Variants in TIMP3 observed in about 807,000 individuals in gnomAD.
TIMP3 encodes TIMP metallopeptidase inhibitor 3, also known as metalloproteinase inhibitor 3.
A neutral mutation model predicts 30.0 loss-of-function variants in TIMP3; 11 were observed. The ratio of observed to expected loss-of-function variants is 0.37; its 90% CI spans 0.23 to 0.61. The LOEUF (loss-of-function observed/expected upper bound fraction) is 0.61, where lower values mean the gene tolerates loss of function less well. Among genes scored for constraint, TIMP3 ranks in the 20% least tolerant of loss-of-function variants. The probability of loss-of-function intolerance (pLI) is 0.70; values close to 1 mark genes in which losing one functional copy is unlikely to be tolerated. For synonymous variants in TIMP3, 112 were observed against 111.3 expected, an observed-to-expected ratio of 1.01 and a Z score of -0.04; for missense variants, 181 against 276.8, an observed-to-expected ratio of 0.65 and a Z score of 2.45.
intron 1 of TIMP3, among the ~76,000 whole-genome samples, chr22:32,802,545 C>T (rs981371577): frequency 1.3e-5 from 2 of 151,800 alleles, no homozygotes; most frequent in Non-Finnish European, 2.9e-5. Context: ...GCCATGTGCA[C>T]GGAAAGTTGC....
intron 1 of TIMP3, among the ~76,000 whole-genome samples, chr22:32,840,006 G>T (rs190542462): frequency 3.3e-5 from 5 of 152,136 alleles, no homozygotes; most frequent in African/African-American, 1.2e-4. Flanking sequence ...CCCCTTCCCC[G>T]GGAGGTCCAG....
chr22:32,832,002 A>G (rs1053023789), intron 1 of TIMP3, among the ~76,000 whole-genome samples: 1 of 152,216 alleles, frequency 6.6e-6, no homozygotes, highest in Non-Finnish European at 1.5e-5. Context: ...CAGATCAGCA[A>G]TGTCCCACTA....
chr22:32,809,950 G>A (rs1231922036), intron 1 of TIMP3, among the ~76,000 whole-genome samples: 7 of 152,150 alleles, frequency 4.6e-5, no homozygotes, highest in African/African-American at 1.7e-4. Context: ...ACTTCTCCCT[G>A]TTACCCACAG....
At chr22:32,842,009 T>C (rs932618865) in intron 1 of TIMP3, among the ~76,000 whole-genome samples, 2 of 151,824 alleles carry the variant, frequency 1.3e-5, no homozygotes, top group Non-Finnish European at 2.9e-5. Context: ...ACCAAGAAGG[T>C]CATGGGTGAC....
At position 32,859,168 on chromosome 22, in the gene TIMP3, A is replaced by G. The variant is rs569856603; in HGVS notation, c.439-12A>G. On this transcript the variant is annotated splice_polypyrimidine_tract_variant and intron_variant, in intron 4 of 4. Transcript: ENST00000266085. ...CAGAGTCCATCAACTGCTGCCTGTT[A>G]TCTAATTGCAGATCAAGTCCTGCTA... 25 of 1,614,120 alleles carry G rather than the reference A, an allele frequency of 1.5e-5. No homozygotes were observed. In the Admixed American group the frequency reaches 2.0e-4, roughly 13 times the overall value.
intron 2 of TIMP3, among the ~76,000 whole-genome samples, chr22:32,850,314 C>G (rs1025923404): frequency 8.5e-5 from 13 of 152,092 alleles, no homozygotes; most frequent in Non-Finnish European, 1.6e-4. Flanking sequence ...GTTTTGCCAC[C>G]TGTTAACAGT....
chr22:32,810,524 C>T (rs1325355017), intron 1 of TIMP3, among the ~76,000 whole-genome samples: 6 of 130,274 alleles, frequency 4.6e-5, no homozygotes, highest in African/African-American at 9.3e-5. Context: ...GATGATTGGG[C>T]GGGGGGTGGG....
At chr22:32,854,600 C>T (rs2048312892) in intron 2 of TIMP3, among the ~76,000 whole-genome samples, 1 of 152,156 alleles carries the variant, frequency 6.6e-6, no homozygotes, top group Non-Finnish European at 1.5e-5. Flanking sequence ...TCTTCGAAGG[C>T]CACACTCCAT....
intron 1 of TIMP3, among the ~76,000 whole-genome samples, chr22:32,835,165 A>G (rs1388945122): frequency 1.3e-5 from 2 of 152,240 alleles, no homozygotes; most frequent in African/African-American, 4.8e-5. Flanking sequence ...ACTGGGTGAC[A>G]GAGTGCACAG....
At position 32,840,005 on chromosome 22, in the gene TIMP3, C is replaced by T. The variant is rs568220913; in HGVS notation, c.122-9447C>T. Among the ~76,000 whole-genome samples, 5 of 152,158 alleles carry T rather than the reference C, an allele frequency of 3.3e-5. No individual in the cohort carries two copies. The South Asian group carries it at 6.2e-4, about 19-fold the overall frequency. ...CACAAAGGCCCCTCCTCCCCTTCCC[C>T]GGGAGGTCCAGGACAGGGCATCCCC... On this transcript the variant is annotated intron_variant, in intron 1 of 4. Transcript: ENST00000266085.
chr22:32,854,745 G>T (rs188319183), intron 2 of TIMP3, among the ~76,000 whole-genome samples: 1 of 152,306 alleles, frequency 6.6e-6, no homozygotes, highest in Non-Finnish European at 1.5e-5. Context: ...AGTGTGGACG[G>T]CACTTCTTCC....
At chr22:32,838,487 TCCTTGAGGGTGCTGAG>T (rs1198933446) in intron 1 of TIMP3, among the ~76,000 whole-genome samples, 1 of 152,142 alleles carries the variant, frequency 6.6e-6, no homozygotes, top group Non-Finnish European at 1.5e-5. Context: ...ACCACTGACT[TCCTTGAGGGTGCTGAG>T]CCTTGGGATC....
intron 1 of TIMP3, among the ~76,000 whole-genome samples, chr22:32,824,742 G>A (rs1208021132): frequency 2.0e-5 from 3 of 152,154 alleles, no homozygotes; most frequent in Non-Finnish European, 4.4e-5. Flanking sequence ...TGCTTTCGAT[G>A]TTGTTCTTTC....
chr22:32,804,747 A>G (rs2145946450), intron 1 of TIMP3, among the ~76,000 whole-genome samples: 1 of 152,244 alleles, frequency 6.6e-6, no homozygotes, highest in East Asian at 1.9e-4. Flanking sequence ...CCTGCACCCT[A>G]TGGAAGTGTT....
intron 1 of TIMP3, among the ~76,000 whole-genome samples, chr22:32,817,847 T>C (rs1422557623): frequency 6.6e-6 from 1 of 152,180 alleles, no homozygotes; most frequent in Non-Finnish European, 1.5e-5. Flanking sequence ...TAATGAACAG[T>C]AGGGGACATA....
intron 1 of TIMP3, among the ~76,000 whole-genome samples, chr22:32,828,818 A>AGCG (rs941216595): frequency 3.9e-5 from 6 of 152,164 alleles, no homozygotes; most frequent in African/African-American, 1.4e-4. Context: ...TGCTGGAGCC[A>AGCG]GCGGTGGGGA....
intron 1 of TIMP3, among the ~76,000 whole-genome samples, chr22:32,809,757 TTTC>T (rs1488503425): frequency 7.2e-5 from 11 of 152,228 alleles, no homozygotes; most frequent in Admixed American, 2.6e-4. Context: ...CCTGGGAAGT[TTTC>T]TCATGGGTTC....
At chr22:32,817,154 G>C (rs2047108144) in intron 1 of TIMP3, among the ~76,000 whole-genome samples, 3 of 151,904 alleles carry the variant, frequency 2.0e-5, no homozygotes, top group African/African-American at 7.3e-5. Flanking sequence ...CGAGGTTGAG[G>C]CTGCAGTGAG....
intron 1 of TIMP3, among the ~76,000 whole-genome samples, chr22:32,821,181 C>G (rs1279263899): frequency 6.6e-6 from 1 of 152,132 alleles, no homozygotes; most frequent in Non-Finnish European, 1.5e-5. Flanking sequence ...CCGTCTCTGC[C>G]TTTTACCACT....
Sources: allele counts gnomAD v4.1 joint callset (sites outside exome capture counted in the v4.1 genomes callset), GRCh38; gene constraint gnomAD v4.1.1; transcripts MANE v1.5; gene names NCBI Gene and HGNC (gene_info 2026-07-23, HGNC 2026-07-21).